CDH18: variants seen among roughly 807,000 people sequenced by gnomAD.
CDH18 encodes the protein cadherin-18.
CDH18 carries 31 observed loss-of-function variants against 67.9 expected under a neutral mutation model. The observed-to-expected ratio is 0.46, with a 90% CI of 0.34 to 0.62. CDH18 has a LOEUF of 0.62. Ranked by LOEUF, CDH18 falls within the 20% of genes least tolerant of loss-of-function variation. The pLI is 0.01. For synonymous variants in CDH18, 362 were observed against 347.2 expected, an observed-to-expected ratio of 1.04 and a Z score of -0.48; for missense variants, 890 against 975.5, an observed-to-expected ratio of 0.91 and a Z score of 1.17.
Position 19,481,152 on chromosome 5 carries a change from T to C in CDH18, c.1882+2149A>G, listed in dbSNP as rs1428881557. 2.6e-5 allele frequency among the ~76,000 whole-genome samples: 4 copies of C among 152,212 alleles called. No homozygotes were observed. In the East Asian group the frequency reaches 7.7e-4, roughly 29 times the overall value. On this transcript the variant is annotated intron_variant, in intron 12 of 12. Coordinates refer to ENST00000382275, the MANE Select transcript of CDH18 (RefSeq NM_004934.5). ...CTACTCTCACTTCTTCACTGTCCTC[T>C]GCTATCTCATCCTTATTTAGTGATC... is the stretch of plus-strand genomic sequence containing the variant.
intron 2 of CDH18, among the ~76,000 whole-genome samples, chr5:20,063,157 A>G (rs1742658073): frequency 6.6e-6 from 1 of 151,136 alleles, no homozygotes; most frequent in Non-Finnish European, 1.5e-5. Flanking sequence ...TGATTTTTTT[A>G]TTTATGAATT....
intron 1 of CDH18, among the ~76,000 whole-genome samples, chr5:20,297,739 A>G (rs1246557057): frequency 6.6e-6 from 1 of 152,170 alleles, no homozygotes; most frequent in Non-Finnish European, 1.5e-5. Flanking sequence ...AAGAAAAAAA[A>G]TTGTTAGGGC....
At chr5:19,796,921 T>A (rs1776919206) in intron 3 of CDH18, among the ~76,000 whole-genome samples, 2 of 151,704 alleles carry the variant, frequency 1.3e-5, no homozygotes, top group Admixed American at 1.3e-4. Flanking sequence ...ACAGAATAAA[T>A]TAATTAGGAC....
intron 4 of CDH18, among the ~76,000 whole-genome samples, chr5:19,725,162 G>C (rs1022760997): frequency 2.6e-5 from 4 of 151,864 alleles, no homozygotes; most frequent in African/African-American, 9.7e-5. Context: ...TCCTGACCTC[G>C]TGATCCACCC....
intron 2 of CDH18, among the ~76,000 whole-genome samples, chr5:19,941,334 T>C (rs1200348660): frequency 1.3e-5 from 2 of 152,148 alleles, no homozygotes. Context: ...CAGTTCCTGG[T>C]ATTCTGTCAT....
intron 4 of CDH18, among the ~76,000 whole-genome samples, chr5:19,732,458 T>C (rs1239453901): frequency 4.6e-5 from 7 of 151,724 alleles, no homozygotes; most frequent in Admixed American, 3.3e-4. Flanking sequence ...GGGCTATGAT[T>C]ATGCCACTGC....
At chr5:19,519,974 T>C (rs1402153617) in intron 10 of CDH18, among the ~76,000 whole-genome samples, 3 of 152,182 alleles carry the variant, frequency 2.0e-5, no homozygotes, top group Admixed American at 2.0e-4. Context: ...TTCTGACCTA[T>C]AGAAACTGTG....
intron 2 of CDH18, among the ~76,000 whole-genome samples, chr5:19,857,614 G>T (rs1498098): frequency 0.49 from 74,173 of 151,856 alleles, 18,289 homozygotes; most frequent in Middle Eastern, 0.63. Context: ...TCAGGATCAG[G>T]TTTTTAAATA....
At chr5:20,082,742 T>C (rs970010948) in intron 2 of CDH18, among the ~76,000 whole-genome samples, 2 of 152,168 alleles carry the variant, frequency 1.3e-5, no homozygotes, top group South Asian at 2.1e-4. Flanking sequence ...GGATTCCTTA[T>C]ACAAAGAGGA....
At chr5:20,382,441 C>A (rs1743985169) in intron 1 of CDH18, among the ~76,000 whole-genome samples, 1 of 151,950 alleles carries the variant, frequency 6.6e-6, no homozygotes, top group Admixed American at 6.6e-5. Context: ...TAGTAACTGG[C>A]TAATTCATGG....
chr5:20,219,571 CACAAAATACTCA>C (rs1741060440), intron 2 of CDH18, among the ~76,000 whole-genome samples: 1 of 148,420 alleles, frequency 6.7e-6, no homozygotes, highest in Non-Finnish European at 1.5e-5. Flanking sequence ...TAAACATTGA[CACAAAATACTCA>C]ACAAAATACT....
chr5:20,054,761 T>C (rs943896797), intron 2 of CDH18, among the ~76,000 whole-genome samples: 4 of 152,222 alleles, frequency 2.6e-5, no homozygotes, highest in African/African-American at 9.6e-5. Context: ...CTAGACCCTT[T>C]GGAAAAATGT....
intron 2 of CDH18, among the ~76,000 whole-genome samples, chr5:19,851,804 C>A (rs899925209): frequency 6.6e-6 from 1 of 151,330 alleles, no homozygotes; most frequent in East Asian, 1.9e-4. Context: ...TATATAGTGT[C>A]AAGTAGACAA....
At chr5:19,763,185 C>T (rs557936826) in intron 3 of CDH18, among the ~76,000 whole-genome samples, 7 of 152,280 alleles carry the variant, frequency 4.6e-5, no homozygotes, top group South Asian at 4.1e-4. Context: ...CAACATGGCA[C>T]ATGTATACAT....
At chr5:20,073,593 G>A (rs1053671974) in intron 2 of CDH18, among the ~76,000 whole-genome samples, 1 of 151,862 alleles carries the variant, frequency 6.6e-6, no homozygotes, top group Non-Finnish European at 1.5e-5. Flanking sequence ...TTCTGCAGAG[G>A]TATATCCAGA....
intron 9 of CDH18, among the ~76,000 whole-genome samples, chr5:19,523,881 A>T (rs950728030): frequency 1.3e-5 from 2 of 152,130 alleles, no homozygotes; most frequent in Non-Finnish European, 2.9e-5. Context: ...GAATGGATAC[A>T]AAACTTTGAT....
intron 1 of CDH18, among the ~76,000 whole-genome samples, chr5:20,531,715 A>G (rs1756410153): frequency 6.6e-6 from 1 of 152,088 alleles, no homozygotes; most frequent in Non-Finnish European, 1.5e-5. Context: ...AGAAAGGGGA[A>G]CAAGCAACAA....
chr5:20,376,067 C>G (rs1460135419), intron 1 of CDH18, among the ~76,000 whole-genome samples: 1 of 122,228 alleles, frequency 8.2e-6, no homozygotes, highest in Non-Finnish European at 1.7e-5. Flanking sequence ...ACGGATCAAA[C>G]AGTAAGCAAT....
At chr5:20,406,977 T>C (rs1039135588) in intron 1 of CDH18, among the ~76,000 whole-genome samples, 11 of 152,188 alleles carry the variant, frequency 7.2e-5, no homozygotes, top group Non-Finnish European at 1.6e-4. Flanking sequence ...TGTCAACCTC[T>C]TCCTAGGAAA....
Sources: allele counts gnomAD v4.1 joint callset (sites outside exome capture counted in the v4.1 genomes callset), GRCh38; gene constraint gnomAD v4.1.1; transcripts MANE v1.5; gene names NCBI Gene and HGNC (gene_info 2026-07-23, HGNC 2026-07-21).